The following POLR3B variants were observed in gnomAD, a reference collection of about 807,000 sequenced individuals.
The protein encoded by POLR3B is RNA polymerase III subunit B.
Under a neutral mutation model 147.4 loss-of-function variants are expected in POLR3B, and 96 were observed. The ratio of observed to expected loss-of-function variants is 0.65; its 90% CI spans 0.55 to 0.77. The LOEUF (loss-of-function observed/expected upper bound fraction) is 0.77. POLR3B is among the 30% of genes least tolerant of loss of function. The pLI is 0.00. For missense variants in POLR3B, 1,036 were observed against 1,413.5 expected (o/e 0.73, Z 4.28); for synonymous variants, 461 against 485.9 (o/e 0.95, Z 0.67).
In POLR3B at chr12:106,358,027, G is replaced by A. The variant is rs61943670; in HGVS notation, c.72+76G>A. ...GGGCGTTGCCCGGAGTGCTCGGGCCGCCAAGGGGGCGGGCTGGCGGTTTGT... is the reference window on the plus strand; with the variant it reads ...GGGCGTTGCCCGGAGTGCTCGGGCCACCAAGGGGGCGGGCTGGCGGTTTGT... On this transcript the variant is annotated intron_variant, in intron 1 of 27. Transcript: ENST00000228347. The A allele has an allele frequency of 0.22, 351,173 of 1,578,502 alleles. 41,000 individuals are homozygous for A. The highest frequency in any genetic ancestry group is 0.36 in the African/African-American group (27,173 of 74,684).
intron 23 of POLR3B, among the ~76,000 whole-genome samples, chr12:106,478,720 CTT>C (rs1489698033): frequency 1.3e-5 from 2 of 151,976 alleles, no homozygotes; most frequent in Non-Finnish European, 1.5e-5. Flanking sequence ...TTTTATTTCT[CTT>C]AAGTATAATT....
intron 17 of POLR3B, 42 bp from the exon 18 acceptor site, chr12:106,437,639 A>C: frequency 8.6e-7 from 1 of 1,156,640 alleles, no homozygotes; most frequent in South Asian, 1.2e-5. Flanking sequence ...TACTGCAGAA[A>C]AATGCTTTTT....
chr12:106,366,508 C>T lies in POLR3B; in HGVS notation c.106-8C>T. 6.3e-7 allele frequency: 1 copy of T among 1,596,638 alleles called. No individual in the cohort carries two copies. Among genetic ancestry groups the T allele is most frequent in the Non-Finnish European group, 8.6e-7 (1 of 1,165,300 alleles). On this transcript the variant is annotated splice_polypyrimidine_tract_variant and splice_region_variant and intron_variant, in intron 2 of 27. Transcript: ENST00000228347. ...TAACCTGTTTACTTTCTCTTTCTAT[C>T]TGTTTAGGTGAAAGGCCTTGTGAAA...
chr12:106,395,072 A>G (rs2036962306), intron 10 of POLR3B, among the ~76,000 whole-genome samples: 1 of 152,202 alleles, frequency 6.6e-6, no homozygotes, highest in Non-Finnish European at 1.5e-5. Context: ...TCTACAAACA[A>G]TAAAAATAAA....
rs539184677 is a variant in POLR3B at position 106,391,663 on chromosome 12, C to T, written c.724-1368C>T. On this transcript the variant is annotated intron_variant, in intron 9 of 27. Coordinates refer to ENST00000228347, the MANE Select transcript of POLR3B (RefSeq NM_018082.6). ...TTTTTCATTTATGCAAATGAGAAAA[C>T]AAAGGCGAAGAGGTTGCATGACAGT... 5.3e-5 allele frequency among the ~76,000 whole-genome samples: 8 copies of T among 152,218 alleles called. No homozygotes were observed. In the East Asian group the frequency reaches 1.4e-3, roughly 26 times the overall value.
In POLR3B at chr12:106,463,515, A is replaced by G. The variant is rs759527548; in HGVS notation, c.2608A>G (p.Met870Val). 1.2e-6 allele frequency: 2 copies of G among 1,613,308 alleles called. No homozygotes were observed. The highest frequency in any genetic ancestry group is 1.1e-5 in the South Asian group (1 of 91,062). The change falls in exon 23 of 28, where the codon ATG becomes GTG. Residue 870 changes from methionine to valine, a missense_variant. By Grantham distance (21) the Met-to-Val change is conservative. Coordinates refer to ENST00000228347, the MANE Select transcript of POLR3B (RefSeq NM_018082.6). ...AACAGACTCATATATTGAAAAAGTG[A>G]TGATATCTTCAAATGCTGAAGATGC... is the stretch of plus-strand genomic sequence containing the variant. ...GATDSYIEKV[M>V]ISSNAEDAFL... is the part of the protein sequence containing the mutation.
chr12:106,424,101 G>A (rs915558218), intron 12 of POLR3B, among the ~76,000 whole-genome samples: 4 of 151,748 alleles, frequency 2.6e-5, no homozygotes, highest in Admixed American at 6.6e-5. Flanking sequence ...TGATCCACCC[G>A]CCTCAGCCTC....
chr12:106,445,570 G>A (rs1270795313), intron 19 of POLR3B, among the ~76,000 whole-genome samples: 1 of 152,000 alleles, frequency 6.6e-6, no homozygotes, highest in Non-Finnish European at 1.5e-5. Flanking sequence ...GTAATACAGA[G>A]AGAATACCAG....
At chr12:106,383,155 T>C (rs1463854811) in intron 9 of POLR3B, among the ~76,000 whole-genome samples, 1 of 152,198 alleles carries the variant, frequency 6.6e-6, no homozygotes, top group Non-Finnish European at 1.5e-5. Context: ...TCAGCCTTCG[T>C]AGAATTGAAG....
At chr12:106,398,386 T>G (rs1425205437) in intron 10 of POLR3B, among the ~76,000 whole-genome samples, 2 of 152,196 alleles carry the variant, frequency 1.3e-5, no homozygotes, top group African/African-American at 4.8e-5. Flanking sequence ...TGCCTGCCTC[T>G]GTAGGCTCCA....
intron 20 of POLR3B, among the ~76,000 whole-genome samples, chr12:106,455,996 T>C (rs1001163559): frequency 6.6e-6 from 1 of 152,202 alleles, no homozygotes; most frequent in Admixed American, 6.5e-5. Flanking sequence ...TGGTGGAAAA[T>C]TGTTAAGTGA....
intron 23 of POLR3B, among the ~76,000 whole-genome samples, chr12:106,486,781 C>T (rs970633894): frequency 6.6e-6 from 1 of 152,132 alleles, no homozygotes; most frequent in African/African-American, 2.4e-5. Context: ...AAACACTATC[C>T]CCACTCCCTT....
chr12:106,423,660 C>T (rs909038289), intron 12 of POLR3B, among the ~76,000 whole-genome samples: 4 of 152,084 alleles, frequency 2.6e-5, no homozygotes, highest in Non-Finnish European at 4.4e-5. Flanking sequence ...CTATCTGAGT[C>T]CTCAAAAGAT....
At chr12:106,473,794 A>G (rs2038125325) in intron 23 of POLR3B, among the ~76,000 whole-genome samples, 1 of 138,316 alleles carries the variant, frequency 7.2e-6, no homozygotes, top group South Asian at 2.5e-4. Context: ...TAGATAAACA[A>G]TCATGTCATC....
intron 27 of POLR3B, chr12:106,507,497 C>T (rs1592785696): frequency 4.6e-6 from 1 of 219,744 alleles, no homozygotes; most frequent in Non-Finnish European, 9.1e-6. Context: ...AATGCATTTC[C>T]CCAATTTAAT....
At chr12:106,434,389 GA>G (rs777850822) in intron 16 of POLR3B, among the ~76,000 whole-genome samples, 1 of 152,118 alleles carries the variant, frequency 6.6e-6, no homozygotes, top group Non-Finnish European at 1.5e-5. Flanking sequence ...TTTAAAGGAG[GA>G]GTAGGATTGT....
chr12:106,382,363 C>A (rs557097757), intron 9 of POLR3B, among the ~76,000 whole-genome samples: 6 of 152,284 alleles, frequency 3.9e-5, no homozygotes, highest in African/African-American at 1.2e-4. Context: ...CTATTAGGGT[C>A]TCTTGTATTC....
rs144679334 is a variant in POLR3B, at chr12:106,460,958, C to T, written c.2570+1590C>T. On this transcript the variant is annotated intron_variant, in intron 22 of 27. Transcript: ENST00000228347. ...AAGCTCCTCAGAGCAATCATCTTGT[C>T]GTCTCCATTTCTACTTTGTTACCTT... Among the ~76,000 whole-genome samples the T allele has an allele frequency of 6.6e-3, 1,005 of 152,186 alleles. 11 individuals carry two copies. Among genetic ancestry groups the T allele is most frequent in the African/African-American group, 0.023 (941 of 41,516 alleles).
At chr12:106,362,388 C>T (rs915530374) in intron 1 of POLR3B, among the ~76,000 whole-genome samples, 6 of 152,174 alleles carry the variant, frequency 3.9e-5, no homozygotes, top group Non-Finnish European at 8.8e-5. Flanking sequence ...AACTAGGTGG[C>T]TTAAACAACA....
Sources: gnomAD v4.1 joint callset for allele counts (sites outside exome capture counted in the v4.1 genomes callset) on GRCh38, gnomAD v4.1.1 for gene constraint, MANE v1.5 for transcripts, NCBI Gene and HGNC (gene_info 2026-07-23, HGNC 2026-07-21) for gene names.